Variants in RBFOX1 observed in about 807,000 individuals in gnomAD.
RBFOX1 encodes RNA binding fox-1 homolog 1.
A neutral mutation model predicts 57.7 loss-of-function variants in RBFOX1; 8 were observed. The ratio of observed to expected loss-of-function variants is 0.14; its 90% CI spans 0.08 to 0.25. RBFOX1 has a LOEUF of 0.25. Among genes scored for constraint, RBFOX1 ranks in the 10% least tolerant of loss-of-function variants. The pLI is 1.00. For missense variants in RBFOX1, 611 were observed against 548.5 expected (o/e 1.11, Z -1.14); for synonymous variants, 326 against 222.4 (o/e 1.47, Z -4.15).
intron 10 of RBFOX1, among the ~76,000 whole-genome samples, chr16:7,616,120 C>T (rs1242522245): frequency 1.3e-5 from 2 of 152,278 alleles, no homozygotes; most frequent in African/African-American, 2.4e-5. Context: ...TCCCCAAGAC[C>T]ACTCTCAGGC....
intron 2 of RBFOX1, among the ~76,000 whole-genome samples, chr16:6,488,693 C>T (rs982523074): frequency 2.0e-4 from 31 of 152,212 alleles, no homozygotes; most frequent in Admixed American, 2.0e-3. Context: ...TTAAGAGATA[C>T]ACTACGTTAG....
intron 4 of RBFOX1, among the ~76,000 whole-genome samples, chr16:5,974,535 G>A (rs956085296): frequency 1.8e-4 from 28 of 151,980 alleles, no homozygotes; most frequent in African/African-American, 5.5e-4. Context: ...ACTCGAACCC[G>A]GGAGGCGGAG....
At chr16:5,725,065 A>G (rs990136192) in intron 3 of RBFOX1, among the ~76,000 whole-genome samples, 10 of 152,192 alleles carry the variant, frequency 6.6e-5, no homozygotes, top group African/African-American at 2.2e-4. Context: ...GCCAGTGGAT[A>G]ATGAGGGTGT....
At chr16:7,392,015 C>G (rs1232564850) in intron 4 of RBFOX1, among the ~76,000 whole-genome samples, 1 of 152,224 alleles carries the variant, frequency 6.6e-6, no homozygotes, top group East Asian at 1.9e-4. Flanking sequence ...CCCCTCCTGC[C>G]TTTTGCAATC....
At chr16:6,465,874 A>ATTTGTATG (rs2095036921) in intron 2 of RBFOX1, among the ~76,000 whole-genome samples, 2 of 72,880 alleles carry the variant, frequency 2.7e-5, no homozygotes. Context: ...AACTAAATAC[A>ATTTGTATG]TTTGTGTGTT....
chr16:5,555,867 C>T (rs1288161257), intron 2 of RBFOX1, among the ~76,000 whole-genome samples: 3 of 151,796 alleles, frequency 2.0e-5, no homozygotes, highest in Admixed American at 2.0e-4. Flanking sequence ...ACTAAAAATA[C>T]AAAATTAGCC....
At chr16:5,735,385 C>T (rs545635150) in intron 3 of RBFOX1, among the ~76,000 whole-genome samples, 31 of 152,298 alleles carry the variant, frequency 2.0e-4, no homozygotes, top group African/African-American at 6.7e-4. Flanking sequence ...ATTCCGTCCT[C>T]ACAGAATGTC....
intron 1 of RBFOX1, among the ~76,000 whole-genome samples, chr16:5,252,272 A>T (rs1188771888): frequency 6.6e-6 from 1 of 152,198 alleles, no homozygotes; most frequent in African/African-American, 2.4e-5. Context: ...GTATTTATGC[A>T]GGGTTAGGCT....
At chr16:5,953,939 C>T (rs114450729) in intron 4 of RBFOX1, among the ~76,000 whole-genome samples, 6 of 152,264 alleles carry the variant, frequency 3.9e-5, no homozygotes, top group African/African-American at 1.2e-4. Context: ...ACCTGTGTTT[C>T]TGTTGCCAAC....
At chr16:5,931,745 C>G (rs890640367) in intron 4 of RBFOX1, among the ~76,000 whole-genome samples, 24 of 152,136 alleles carry the variant, frequency 1.6e-4, no homozygotes, top group African/African-American at 5.8e-4. Context: ...CTGAGATTCC[C>G]TACCCGTCTC....
intron 3 of RBFOX1, among the ~76,000 whole-genome samples, chr16:5,733,005 G>A (rs2052439806): frequency 6.6e-6 from 1 of 152,038 alleles, no homozygotes; most frequent in African/African-American, 2.4e-5. Context: ...GTGACTATAT[G>A]ATCTTACACA....
intron 1 of RBFOX1, among the ~76,000 whole-genome samples, chr16:6,187,651 C>T (rs575942699): frequency 4.0e-4 from 61 of 152,222 alleles, no homozygotes; most frequent in African/African-American, 1.4e-3. Flanking sequence ...CAGGTGGTTC[C>T]AGTGGGAACT....
At chr16:5,507,728 A>G (rs1464022050) in intron 2 of RBFOX1, among the ~76,000 whole-genome samples, 2 of 152,176 alleles carry the variant, frequency 1.3e-5, no homozygotes, top group Non-Finnish European at 2.9e-5. Context: ...TTGGAAACAG[A>G]CACACACAGA....
At position 6,647,556 on chromosome 16, in the gene RBFOX1, T is replaced by A. The variant is rs1256374927; in HGVS notation, c.-63-7047T>A. Among the ~76,000 whole-genome samples, 3 of 152,124 alleles carry A rather than the reference T, an allele frequency of 2.0e-5. No homozygotes were observed. In the East Asian group the frequency reaches 5.8e-4, roughly 29 times the overall value. On this transcript the variant is annotated intron_variant, in intron 2 of 15. Coordinates refer to ENST00000550418, the MANE Select transcript of RBFOX1 (RefSeq NM_018723.4). ...AGCCACCACACCCAGCCAAGGGCAG[T>A]CATTCTTAGGACCTCATTTAACCTT...
intron 4 of RBFOX1, among the ~76,000 whole-genome samples, chr16:7,127,922 G>C (rs2151923621): frequency 6.6e-6 from 1 of 152,342 alleles, no homozygotes; most frequent in Non-Finnish European, 1.5e-5. Context: ...CTTTTGTTTA[G>C]AAGAGGGAGT....
chr16:5,764,710 C>A (rs1166749481), intron 3 of RBFOX1, among the ~76,000 whole-genome samples: 1 of 152,130 alleles, frequency 6.6e-6, no homozygotes, highest in Non-Finnish European at 1.5e-5. Flanking sequence ...GGATTTTGGT[C>A]AAAACATAAC....
At chr16:5,526,347 G>A (rs965412917) in intron 2 of RBFOX1, among the ~76,000 whole-genome samples, 2 of 152,100 alleles carry the variant, frequency 1.3e-5, no homozygotes, top group Non-Finnish European at 2.9e-5. Context: ...GGAGTGCAAT[G>A]GCACAATCTC....
At chr16:7,130,817 C>G (rs562385673) in intron 4 of RBFOX1, among the ~76,000 whole-genome samples, 39 of 152,202 alleles carry the variant, frequency 2.6e-4, no homozygotes, top group African/African-American at 9.4e-4. Flanking sequence ...GAGTGGGGAA[C>G]AAGAACACTT....
In RBFOX1 at chr16:6,138,984, C is replaced by G. The variant is rs1489574367; in HGVS notation, c.-127+118992C>G. Among the ~76,000 whole-genome samples the G allele has an allele frequency of 2.0e-5, 3 of 152,300 alleles. No individual in the cohort carries two copies. In the East Asian group the frequency reaches 5.8e-4, roughly 29 times the overall value. On this transcript the variant is annotated intron_variant, in intron 1 of 15. Transcript: ENST00000550418. Reference sequence around the variant, plus strand: ...GGAGGGAGTCATACAAATGTGTGAACATCAGGAGGCAGAGATTGTGGGGCA... The same window carrying G: ...GGAGGGAGTCATACAAATGTGTGAAGATCAGGAGGCAGAGATTGTGGGGCA...
Sources: gnomAD v4.1 joint callset for allele counts (sites outside exome capture counted in the v4.1 genomes callset) on GRCh38, gnomAD v4.1.1 for gene constraint, MANE v1.5 for transcripts, NCBI Gene and HGNC (gene_info 2026-07-23, HGNC 2026-07-21) for gene names.